RSPH1: variants seen among roughly 807,000 people sequenced by gnomAD.
RSPH1 encodes radial spoke head component 1, also known as radial spoke head 1 homolog.
In RSPH1, 32 loss-of-function variants were observed where a neutral mutation model predicts 44.2. That is an observed-to-expected ratio of 0.72 (90% CI 0.55 to 0.97). RSPH1 has a LOEUF of 0.97. Ranked by LOEUF, RSPH1 falls within the 50% of genes least tolerant of loss-of-function variation. The pLI, the probability that RSPH1 is intolerant of heterozygous loss-of-function variation, is 0.00. For missense variants in RSPH1, 391 were observed against 398.7 expected, an observed-to-expected ratio of 0.98 and a Z score of 0.16; for synonymous variants, 134 against 147.3, an observed-to-expected ratio of 0.91 and a Z score of 0.65.
chr21:42,485,446 A>C (rs993139499), intron 5 of RSPH1: 17 of 572,918 alleles, frequency 3.0e-5, no homozygotes, highest in Non-Finnish European at 5.0e-5. Flanking sequence ...GGGAATTTGT[A>C]CTGAGATCCA....
chr21:42,481,703 C>T (rs182779592), intron 6 of RSPH1, among the ~76,000 whole-genome samples: 182 of 152,216 alleles, frequency 1.2e-3, no homozygotes, highest in African/African-American at 4.0e-3. Context: ...AAACCAGTAC[C>T]AGGGTCAGGA....
chr21:42,472,766 G>A lies in RSPH1; in HGVS notation c.*52C>T. 18 of 1,414,072 alleles carry A rather than the reference G, an allele frequency of 1.3e-5. No homozygotes were observed. The highest frequency in any genetic ancestry group is 1.7e-5 in the Non-Finnish European group (17 of 1,003,160). The allele number at this position is 1,414,072 out of a possible 1,614,324, so 87.6% of individuals were successfully genotyped here. A position where few individuals can be genotyped will look rare whatever the true frequency, so the allele number is the denominator to read the frequency against. On this transcript the variant is annotated 3_prime_UTR_variant, in exon 9 of 9. Coordinates refer to ENST00000291536, the MANE Select transcript of RSPH1 (RefSeq NM_080860.4). Reference sequence around the variant, plus strand: ...CTAGATACACACAGCACTGCACCCGGCTAACGACAGAAGCATTCTTATGAT... The same window carrying A: ...CTAGATACACACAGCACTGCACCCGACTAACGACAGAAGCATTCTTATGAT...
rs2054042400 is a variant in RSPH1, at chr21:42,475,921, T to C, written c.854A>G (p.Glu285Gly). Residue 285 changes from glutamate to glycine, a missense_variant, in exon 8 of 9, where the codon GAG (glutamate) becomes GGG (glycine). By Grantham distance (98) the Glu-to-Gly change is moderately conservative. Coordinates refer to ENST00000291536, the MANE Select transcript of RSPH1 (RefSeq NM_080860.4). ...REESREYDQE[E>G]FRYDMDEGNI... ...ACCCTCATCCATGTCATAGCGGAAC[T>C]CCTCCTGGTCATACTCCCGGCTCTC... The C allele has an allele frequency of 6.2e-7, 1 of 1,610,136 alleles. No individual in the cohort carries two copies.
intron 3 of RSPH1, among the ~76,000 whole-genome samples, chr21:42,491,796 A>G (rs1224857665): frequency 6.6e-6 from 1 of 152,188 alleles, no homozygotes; most frequent in Non-Finnish European, 1.5e-5. Flanking sequence ...CGCACTTTGT[A>G]AGAATATGTC....
chr21:42,493,476 A>G (rs1339033957), intron 1 of RSPH1, among the ~76,000 whole-genome samples: 1 of 152,110 alleles, frequency 6.6e-6, no homozygotes, highest in Non-Finnish European at 1.5e-5. Flanking sequence ...CCACACAAAT[A>G]CCTCCCCGTT....
intron 5 of RSPH1, among the ~76,000 whole-genome samples, chr21:42,484,271 A>G (rs955526869): frequency 5.3e-5 from 8 of 152,238 alleles, no homozygotes; most frequent in African/African-American, 1.9e-4. Flanking sequence ...AAACAGACTC[A>G]TATTCTATTG....
intron 5 of RSPH1, among the ~76,000 whole-genome samples, chr21:42,483,722 A>C (rs556186953): frequency 2.0e-5 from 3 of 152,284 alleles, no homozygotes; most frequent in Non-Finnish European, 2.9e-5. Flanking sequence ...CTGTTTAGAA[A>C]GTTCTCTTTC....
In RSPH1 at chr21:42,486,369, A is replaced by G. The variant is rs1224194009; in HGVS notation, c.365+2T>C. On this transcript the variant is annotated splice_donor_variant, in intron 4 of 8. Coordinates refer to ENST00000291536, the MANE Select transcript of RSPH1 (RefSeq NM_080860.4). LOFTEE classifies it high-confidence loss of function. ...CGTTAAGACCCAAGATAGAAACCGA[A>G]CCTTTGATGAGCAAACCACTCTCCA... The G allele has an allele frequency of 4.4e-6, 7 of 1,608,282 alleles. No individual in the cohort carries two copies. In the Admixed American group the frequency reaches 1.0e-4, roughly 23 times the overall value.
chr21:42,477,312 G>A lies in RSPH1; in HGVS notation c.706C>T (p.Gln236Ter). The A allele has an allele frequency of 1.2e-6, 2 of 1,604,962 alleles. No individual in the cohort carries two copies. The highest frequency in any genetic ancestry group is 1.7e-6 in the Non-Finnish European group (2 of 1,174,692). The change falls in exon 7 of 9, where the codon CAA becomes TAA. Residue 236 changes from glutamine to a stop codon, truncating the protein, a stop_gained. Transcript: ENST00000291536. LOFTEE classifies it high-confidence loss of function. ...ACACTCTCAGCTCCTGGAGCGTCTT[G>A]GCCAGGTCCATCCGTAGAGGTCGGC... ...KKPTSTDGPG[Q>*]DAPGAESAGE... is the part of the protein sequence containing the mutation.
chr21:42,481,266 C>G (rs1292572805), intron 6 of RSPH1, among the ~76,000 whole-genome samples: 1 of 152,066 alleles, frequency 6.6e-6, no homozygotes, highest in Admixed American at 6.5e-5. Flanking sequence ...GCTATGGTAC[C>G]AGCTCCCCTT....
chr21:42,493,525 C>G (rs536758578), intron 1 of RSPH1, among the ~76,000 whole-genome samples: 2 of 152,264 alleles, frequency 1.3e-5, no homozygotes, highest in East Asian at 3.9e-4. Flanking sequence ...AGGCAAATGC[C>G]CAGAGAGAAG....
In RSPH1 at chr21:42,485,804, C is replaced by T. The variant is rs797045148; in HGVS notation, c.366G>A (p.Arg122=). Residue 122 remains arginine, a splice_region_variant and synonymous_variant, in exon 5 of 9, where the codon AGG becomes AGA. Transcript: ENST00000291536. Reference sequence around the variant, plus strand: ...CGTATAAATAGGTGCCTTGCCCATGCCTGGTTAAGACAAGGGGAACATGGT... The same window carrying T: ...CGTATAAATAGGTGCCTTGCCCATGTCTGGTTAAGACAAGGGGAACATGGT... The part of the protein sequence containing the change: ...TYTGEWFAHQ[R]HGQGTYLYAE... 6.2e-7 allele frequency: 1 copy of T among 1,614,184 alleles called. No individual in the cohort carries two copies. Among genetic ancestry groups the T allele is most frequent in the Non-Finnish European group, 8.5e-7 (1 of 1,180,020 alleles).
At chr21:42,493,230 T>A in intron 1 of RSPH1, 151 bp from the exon 2 acceptor site, 2 of 711,430 alleles carry the variant, frequency 2.8e-6, no homozygotes, top group Non-Finnish European at 4.7e-6. Flanking sequence ...CACCTTAAAG[T>A]TGAGGTAGGT....
chr21:42,487,940 A>C (rs1032352057), intron 3 of RSPH1, among the ~76,000 whole-genome samples: 4 of 152,248 alleles, frequency 2.6e-5, no homozygotes, highest in African/African-American at 9.6e-5. Flanking sequence ...AGGACAGTGC[A>C]TGTCCCCAGG....
At position 42,472,576 on chromosome 21, in the gene RSPH1, T is replaced by TA. The variant is rs1356298989; in HGVS notation, c.*241dup. The TA allele has an allele frequency of 1.9e-5, 7 of 362,742 alleles. No homozygotes were observed. The highest frequency in any genetic ancestry group is 9.2e-5 in the Admixed American group (2 of 21,646). The allele number at this position is 362,742 out of a possible 1,614,324, so 22.5% of individuals were successfully genotyped here. On this transcript the variant is annotated 3_prime_UTR_variant, in exon 9 of 9. Coordinates refer to ENST00000291536, the MANE Select transcript of RSPH1 (RefSeq NM_080860.4). ...GAAAGAAAGACTAAAAACCCTCTAATAAAGATTGTTAACTGACAGAAGCAT... is the reference window on the plus strand; with the variant it reads ...GAAAGAAAGACTAAAAACCCTCTAATAAAAGATTGTTAACTGACAGAAGCAT...
At chr21:42,473,118 G>C (rs966367559) in intron 8 of RSPH1, among the ~76,000 whole-genome samples, 2 of 152,162 alleles carry the variant, frequency 1.3e-5, no homozygotes, top group African/African-American at 4.8e-5. Context: ...TGTAACATCA[G>C]TAATTCTCTT....
chr21:42,483,330 A>G (rs2054148434), intron 5 of RSPH1, among the ~76,000 whole-genome samples: 1 of 151,948 alleles, frequency 6.6e-6, no homozygotes. Context: ...AATTCTCAGA[A>G]TTTCTGGACA....
intron 3 of RSPH1, 82 bp from the exon 4 acceptor site, chr21:42,486,543 G>T: frequency 1.0e-6 from 1 of 988,998 alleles, no homozygotes; most frequent in Non-Finnish European, 1.6e-6. Context: ...TGTTAACCAT[G>T]GCAAAGGCAG....
At chr21:42,494,951 C>T (rs1413937928) in intron 1 of RSPH1, among the ~76,000 whole-genome samples, 1 of 152,114 alleles carries the variant, frequency 6.6e-6, no homozygotes, top group Admixed American at 6.5e-5. Flanking sequence ...CTGCCCACCT[C>T]GGCCTCCCAA....
Sources: allele counts gnomAD v4.1 joint callset (sites outside exome capture counted in the v4.1 genomes callset), GRCh38; gene constraint gnomAD v4.1.1; transcripts MANE v1.5; gene names NCBI Gene and HGNC (gene_info 2026-07-23, HGNC 2026-07-21).